HACD4: variants seen among roughly 807,000 people sequenced by gnomAD.
The protein encoded by HACD4 is 3-hydroxyacyl-CoA dehydratase 4.
HACD4 carries 35 observed loss-of-function variants against 33.3 expected under a neutral mutation model. That is an observed-to-expected ratio of 1.05 (90% confidence interval 0.80 to 1.39). The LOEUF is 1.39. Among genes scored for constraint, HACD4 ranks in the 40% most tolerant of loss-of-function variants. The probability of loss-of-function intolerance (pLI) is 0.00; values close to 1 mark genes in which losing one functional copy is unlikely to be tolerated. For missense variants in HACD4, 323 were observed against 276.5 expected (o/e 1.17, Z -1.19); for synonymous variants, 118 against 98.0 (o/e 1.20, Z -1.21).
At chr9:21,023,974 TTTC>T (rs1817998641) in intron 3 of HACD4, among the ~76,000 whole-genome samples, 1 of 152,194 alleles carries the variant, frequency 6.6e-6, no homozygotes, top group Admixed American at 6.5e-5. Flanking sequence ...TTAACTACAG[TTTC>T]TTCATTTAAA....
rs1018009866 is a variant in HACD4, at chr9:21,001,482, G to C, written c.*5555C>G. On this transcript the variant is annotated 3_prime_UTR_variant, in exon 7 of 7. Transcript: ENST00000495827. ...ATACACATTGTGAGGATCCCAGAAG[G>C]AAAAGAGAGAAAGAAAGGAGCAGAG... 1.3e-5 allele frequency: 2 copies of C among 151,926 alleles called. No homozygotes were observed. The highest frequency in any genetic ancestry group is 4.8e-5 in the African/African-American group (2 of 41,368). The allele number at this position is 151,926 out of a possible 1,614,324, so 9.4% of individuals were successfully genotyped here.
chr9:21,002,427 A>G lies in HACD4; in HGVS notation c.*4610T>C, dbSNP rs6475496. ...CATATACAAAATGGAGGAAACTTGC[A>G]GACATTATGCTAAGTGAAATAAGCC... On this transcript the variant is annotated 3_prime_UTR_variant, in exon 7 of 7. Transcript: ENST00000495827. 0.95 allele frequency: 144,667 copies of G among 152,146 alleles called. 69,198 individuals carry two copies. Among genetic ancestry groups the G allele is most frequent in the East Asian group, 1 (5,177 of 5,178 alleles). 9.4% of individuals were successfully genotyped at this position (152,146 alleles called of 1,614,324 possible). A position where few individuals can be genotyped will look rare whatever the true frequency, so the allele number is the denominator to read the frequency against.
intron 1 of HACD4, among the ~76,000 whole-genome samples, chr9:21,030,232 A>G (rs1038165264): frequency 6.6e-6 from 1 of 150,474 alleles, no homozygotes; most frequent in Non-Finnish European, 1.5e-5. Context: ...ACTTGAGGCC[A>G]GAAGTTCAAG....
At position 21,007,894 on chromosome 9, in the gene HACD4, A is replaced by C. The variant is rs544202954; in HGVS notation, c.616+127T>G. On this transcript the variant is annotated intron_variant, in intron 6 of 6. Coordinates refer to ENST00000495827, the MANE Select transcript of HACD4 (RefSeq NM_001010915.5). ...TCCAGGGGCTTTACTAGCAAGATCT[A>C]GTTCATGATGTCAGGCTTCCTCTTT... 1.4e-4 allele frequency: 105 copies of C among 736,206 alleles called. No individual in the cohort carries two copies. In the East Asian group the frequency reaches 2.7e-3, roughly 19 times the overall value. 45.6% of individuals were successfully genotyped at this position (736,206 alleles called of 1,614,324 possible).
In HACD4 at chr9:21,026,642, A is replaced by G. The variant is rs906817454; in HGVS notation, c.224T>C (p.Ile75Thr). ...ATGGTTTGACTCAATGCCAACATATATGTGCAGCAGTTCCAGGAGAGATAC... is the reference window on the plus strand; with the variant it reads ...ATGGTTTGACTCAATGCCAACATATGTGTGCAGCAGTTCCAGGAGAGATAC... ...QSVSLLELLH[I>T]YVGIESNHLL... Residue 75 changes from isoleucine to threonine, a missense_variant, in exon 3 of 7, where the codon ATA (isoleucine) becomes ACA (threonine). Transcript: ENST00000495827. The G allele has an allele frequency of 1.2e-6, 2 of 1,613,682 alleles. No homozygotes were observed. Among genetic ancestry groups the G allele is most frequent in the Non-Finnish European group, 1.7e-6 (2 of 1,179,562 alleles).
In HACD4 at chr9:21,011,684, C is replaced by G. The variant is rs1276459745; in HGVS notation, c.395G>C (p.Ser132Thr). ...NLLDMVRYTY[S>T]MLSVIGISYA... is the part of the protein sequence containing the mutation. ...GGATATTCCTATGACTGATAACATG[C>G]TATAAGTGTACCTGAAAGGAGATGA... Residue 132 changes from serine to threonine, a missense_variant, in exon 5 of 7, where the codon AGC (serine) becomes ACC (threonine). Coordinates refer to ENST00000495827, the MANE Select transcript of HACD4 (RefSeq NM_001010915.5). 1 of 1,592,378 alleles carries G rather than the reference C, an allele frequency of 6.3e-7. No individual in the cohort carries two copies. The highest frequency in any genetic ancestry group is 8.6e-7 in the Non-Finnish European group (1 of 1,163,416).
chr9:21,025,800 A>G (rs146838083), intron 3 of HACD4, among the ~76,000 whole-genome samples: 1 of 152,364 alleles, frequency 6.6e-6, no homozygotes, highest in Non-Finnish European at 1.5e-5. Context: ...AATAGTTAAG[A>G]AAATAGTAAT....
In HACD4 at chr9:20,999,558, A is replaced by G. The variant is rs183666108; in HGVS notation, c.*7479T>C. On this transcript the variant is annotated 3_prime_UTR_variant, in exon 7 of 7. Coordinates refer to ENST00000495827, the MANE Select transcript of HACD4 (RefSeq NM_001010915.5). ...GTTTATTAAGAAATTGTTCTTAACA[A>G]TTAAAATATTCTAGAAGTAGCATGT... is the stretch of plus-strand genomic sequence containing the variant. 24 of 152,314 alleles carry G rather than the reference A, an allele frequency of 1.6e-4. No homozygotes were observed. The East Asian group carries it at 4.2e-3, about 27-fold the overall frequency. The allele number at this position is 152,314 out of a possible 1,614,324, so 9.4% of individuals were successfully genotyped here.
Position 21,029,239 on chromosome 9 carries a change from T to A in HACD4, c.142+56A>T, listed in dbSNP as rs146327598. ...GTGTAGAAATTTAATATAAGCAGGA[T>A]GAGGTGAAAACAAGGATTAAAAGTT... is the stretch of plus-strand genomic sequence containing the variant. On this transcript the variant is annotated intron_variant, in intron 2 of 6. Coordinates refer to ENST00000495827, the MANE Select transcript of HACD4 (RefSeq NM_001010915.5). The A allele has an allele frequency of 1.5e-3, 1,395 of 942,504 alleles. 20 individuals carry two copies. In the African/African-American group the frequency reaches 0.021, roughly 14 times the overall value. 58.4% of individuals were successfully genotyped at this position (942,504 alleles called of 1,614,324 possible). A position where few individuals can be genotyped will look rare whatever the true frequency, so the allele number is the denominator to read the frequency against.
At chr9:21,030,729 C>G (rs1029026192) in intron 1 of HACD4, among the ~76,000 whole-genome samples, 2 of 152,226 alleles carry the variant, frequency 1.3e-5, no homozygotes, top group African/African-American at 4.8e-5. Context: ...TTTCCTTCAT[C>G]AGATACATAT....
chr9:21,030,404 T>C (rs921487359), intron 1 of HACD4, among the ~76,000 whole-genome samples: 1 of 151,900 alleles, frequency 6.6e-6, no homozygotes, highest in South Asian at 2.1e-4. Context: ...ACAGCGCCAC[T>C]GCACTCCAGC....
rs1842216719 is a variant in HACD4, at chr9:21,004,177, T to C, written c.*2860A>G. Reference sequence around the variant, plus strand: ...ATGCGCCACCATGCCTGGCTAATTTTTGTATTTTTAGTAGAAATGGGGTTT... The same window carrying C: ...ATGCGCCACCATGCCTGGCTAATTTCTGTATTTTTAGTAGAAATGGGGTTT... On this transcript the variant is annotated 3_prime_UTR_variant, in exon 7 of 7. Coordinates refer to ENST00000495827, the MANE Select transcript of HACD4 (RefSeq NM_001010915.5). The surrounding 1 kb of genome is among the most constrained non-coding windows in gnomAD (Gnocchi z 4.6). 1 of 152,220 alleles carries C rather than the reference T, an allele frequency of 6.6e-6. No homozygotes were observed. 9.4% of individuals were successfully genotyped at this position (152,220 alleles called of 1,614,324 possible).
Position 21,006,622 on chromosome 9 carries a change from C to T in HACD4, c.*415G>A. ...GCAACTGTGGAATATATTTTCCATC[C>T]CTCTTCTCCTACAGATCTATTTGGG... On this transcript the variant is annotated 3_prime_UTR_variant, in exon 7 of 7. Coordinates refer to ENST00000495827, the MANE Select transcript of HACD4 (RefSeq NM_001010915.5). This position sits in a 1 kb window ranked among gnomAD's most constrained non-coding sequence, Gnocchi z 4.6. 3 of 218,078 alleles carry T rather than the reference C, an allele frequency of 1.4e-5. No individual in the cohort carries two copies. The highest frequency in any genetic ancestry group is 5.8e-5 in the Admixed American group (1 of 17,214). 13.5% of individuals were successfully genotyped at this position (218,078 alleles called of 1,614,324 possible).
intron 2 of HACD4, among the ~76,000 whole-genome samples, chr9:21,028,470 A>T (rs1275995300): frequency 6.6e-6 from 1 of 152,238 alleles, no homozygotes; most frequent in Admixed American, 6.5e-5. Context: ...GTAGATTTTC[A>T]GTAAGAAAAA....
At chr9:21,029,477 C>G (rs963320570) in intron 1 of HACD4, 79 bp from the exon 2 acceptor site, 20 of 820,794 alleles carry the variant, frequency 2.4e-5, no homozygotes, top group Non-Finnish European at 3.4e-5. Context: ...CTTTAATGTA[C>G]TGGCCAACCT....
intron 5 of HACD4, among the ~76,000 whole-genome samples, chr9:21,010,711 A>C (rs1230664258): frequency 6.6e-6 from 1 of 152,084 alleles, no homozygotes; most frequent in Non-Finnish European, 1.5e-5. Context: ...GAACAAAATA[A>C]TTATACAACT....
At chr9:21,015,150 A>G (rs1476723963) in intron 4 of HACD4, 1 of 152,256 alleles carries the variant, frequency 6.6e-6, no homozygotes, top group East Asian at 1.9e-4. Flanking sequence ...TTATTTAAAC[A>G]TATTTTAATT....
At chr9:21,028,346 A>G (rs2132804915) in intron 2 of HACD4, among the ~76,000 whole-genome samples, 1 of 152,214 alleles carries the variant, frequency 6.6e-6, no homozygotes, top group Non-Finnish European at 1.5e-5. Flanking sequence ...AATATAAAAG[A>G]AGTTTTCCCA....
At chr9:21,010,588 T>C (rs1468194161) in intron 5 of HACD4, among the ~76,000 whole-genome samples, 1 of 152,064 alleles carries the variant, frequency 6.6e-6, no homozygotes, top group South Asian at 2.1e-4. Flanking sequence ...CACCAGTTAC[T>C]GGTTTTGTGG....
Sources: gnomAD v4.1 joint callset for allele counts (sites outside exome capture counted in the v4.1 genomes callset) on GRCh38, gnomAD v4.1.1 for gene constraint, Gnocchi (gnomAD v3.1) non-coding constraint, MANE v1.5 for transcripts, NCBI Gene and HGNC (gene_info 2026-07-23, HGNC 2026-07-21) for gene names.